The following ABCC9 variants were observed in gnomAD, a reference collection of about 807,000 sequenced individuals.
The protein encoded by ABCC9 is ATP binding cassette subfamily C member 9, also known as ATP-binding cassette sub-family C member 9.
Under a neutral mutation model 188.3 loss-of-function variants are expected in ABCC9, and 95 were observed. The observed-to-expected ratio is 0.50, with a 90% CI of 0.43 to 0.60. ABCC9 has a LOEUF of 0.60. ABCC9 is among the 20% of genes least tolerant of loss of function. The pLI, the probability that ABCC9 is intolerant of heterozygous loss-of-function variation, is 0.00. For synonymous variants in ABCC9, 659 were observed against 652.7 expected, an observed-to-expected ratio of 1.01 and a Z score of -0.15; for missense variants, 1,102 against 1,876.3, an observed-to-expected ratio of 0.59 and a Z score of 7.62.
chr12:21,919,259 A>C (rs1050679177), intron 5 of ABCC9, among the ~76,000 whole-genome samples: 1 of 152,076 alleles, frequency 6.6e-6, no homozygotes, highest in African/African-American at 2.4e-5. Flanking sequence ...TTCTTTGAAA[A>C]GACTAATAAA....
chr12:21,887,599 A>G (rs1389497901), intron 15 of ABCC9, among the ~76,000 whole-genome samples: 2 of 152,162 alleles, frequency 1.3e-5, no homozygotes, highest in African/African-American at 2.4e-5. Flanking sequence ...TGAATTAAAC[A>G]CGTCTTGTCT....
intron 30 of ABCC9, among the ~76,000 whole-genome samples, chr12:21,831,412 T>C (rs1943754010): frequency 6.6e-6 from 1 of 152,062 alleles, no homozygotes; most frequent in African/African-American, 2.4e-5. Context: ...TGCTAGACAC[T>C]GAGGATATAG....
chr12:21,922,769 G>T lies in ABCC9; in HGVS notation c.406+3173C>A, dbSNP rs1347336428. On this transcript the variant is annotated intron_variant, in intron 5 of 39. Transcript: ENST00000261200. ...TTTTTTTCTTTTTTTTTTTTTTTTG[G>T]AGAAATTGTAAACCTGATTCTAAAC... Among the ~76,000 whole-genome samples the T allele has an allele frequency of 3.4e-4, 39 of 116,360 alleles. No homozygotes were observed. In the East Asian group the frequency reaches 8.4e-3, roughly 25 times the overall value. The allele number at this position is 116,360 out of a possible 152,430, so 76.3% of individuals were successfully genotyped here.
chr12:21,817,073 G>A lies in ABCC9; in HGVS notation c.3892+114C>T, dbSNP rs762176790. ...TCAAGCAAAGCCAAGATATGAGAGA[G>A]TTTTCTGGATACTGAAGTGGAAAGC... On this transcript the variant is annotated intron_variant, in intron 33 of 39. Transcript: ENST00000261200. The A allele has an allele frequency of 1.3e-4, 160 of 1,205,840 alleles. 1 individual carries two copies. The highest frequency in any genetic ancestry group is 1.8e-4 in the Non-Finnish European group (154 of 832,484). 74.7% of individuals were successfully genotyped at this position (1,205,840 alleles called of 1,614,324 possible). A position where few individuals can be genotyped will look rare whatever the true frequency, so the allele number is the denominator to read the frequency against.
chr12:21,843,669 A>T (rs1944498654), intron 28 of ABCC9, among the ~76,000 whole-genome samples: 1 of 152,198 alleles, frequency 6.6e-6, no homozygotes, highest in Admixed American at 6.5e-5. Context: ...GAATTCTCTA[A>T]GTGACAATCA....
At chr12:21,818,546 G>T (rs1942824236) in intron 31 of ABCC9, among the ~76,000 whole-genome samples, 1 of 147,638 alleles carries the variant, frequency 6.8e-6, no homozygotes, top group Non-Finnish European at 1.5e-5. Context: ...GTGTGTGTGT[G>T]TGTGTGTGTG....
intron 22 of ABCC9, among the ~76,000 whole-genome samples, chr12:21,857,892 A>G (rs1307398655): frequency 6.6e-6 from 1 of 152,202 alleles, no homozygotes; most frequent in Non-Finnish European, 1.5e-5. Context: ...TGCATTGATT[A>G]AGTCACCAAT....
intron 21 of ABCC9, among the ~76,000 whole-genome samples, chr12:21,860,187 C>G (rs1592091137): frequency 6.6e-6 from 1 of 152,050 alleles, no homozygotes; most frequent in Admixed American, 6.6e-5. Context: ...CATAGCAATT[C>G]CAAGATGTAG....
chr12:21,929,839 AT>A (rs538894504), intron 4 of ABCC9, among the ~76,000 whole-genome samples: 7 of 152,040 alleles, frequency 4.6e-5, no homozygotes, highest in East Asian at 1.9e-4. Flanking sequence ...ATATATACAT[AT>A]TTTTTTATTA....
chr12:21,917,831 T>C (rs1211368470), intron 5 of ABCC9, among the ~76,000 whole-genome samples: 1 of 152,162 alleles, frequency 6.6e-6, no homozygotes, highest in East Asian at 1.9e-4. Context: ...CTTTGAACTT[T>C]GAATAAATGT....
intron 4 of ABCC9, among the ~76,000 whole-genome samples, chr12:21,928,305 A>AGGGG (rs1949123108): frequency 1.3e-4 from 2 of 15,652 alleles, no homozygotes; most frequent in Admixed American, 9.6e-4. Flanking sequence ...GAAGGAAGGG[A>AGGGG]GGGTGGGAGG....
chr12:21,933,731 A>G, intron 4 of ABCC9, 51 bp downstream of exon 4: 1 of 1,603,632 alleles, frequency 6.2e-7, no homozygotes, highest in Non-Finnish European at 8.5e-7. Flanking sequence ...TTGTGTAATC[A>G]ATATACCCAC....
chr12:21,888,949 G>T (rs1167880034), intron 14 of ABCC9, among the ~76,000 whole-genome samples: 4 of 152,112 alleles, frequency 2.6e-5, no homozygotes, highest in Non-Finnish European at 5.9e-5. Flanking sequence ...AGCAACTACA[G>T]GGGAGGTATT....
chr12:21,867,383 T>C (rs1945833933), intron 18 of ABCC9, among the ~76,000 whole-genome samples: 1 of 152,162 alleles, frequency 6.6e-6, no homozygotes, highest in South Asian at 2.1e-4. Flanking sequence ...AAAGAGGTCA[T>C]ATAGAAAATC....
At chr12:21,860,528 A>G (rs375460083) in intron 21 of ABCC9, among the ~76,000 whole-genome samples, 17 of 152,310 alleles carry the variant, frequency 1.1e-4, no homozygotes, top group East Asian at 5.8e-4. Context: ...AGGTATAACT[A>G]TTTTTCAGCT....
intron 17 of ABCC9, among the ~76,000 whole-genome samples, chr12:21,874,742 G>A (rs535952975): frequency 1.7e-4 from 26 of 152,240 alleles, no homozygotes; most frequent in African/African-American, 6.3e-4. Flanking sequence ...CATCACAGAA[G>A]GACACCACAG....
intron 31 of ABCC9, 134 bp from the exon 32 acceptor site, chr12:21,818,385 T>G (rs1364509904): frequency 1.4e-6 from 1 of 730,380 alleles, no homozygotes; most frequent in East Asian, 2.6e-5. Context: ...AGAGGAAGAA[T>G]ACCTAAGATG....
intron 15 of ABCC9, among the ~76,000 whole-genome samples, chr12:21,884,782 T>TAACGAG (rs3062611): frequency 6.6e-6 from 1 of 152,042 alleles, no homozygotes; most frequent in African/African-American, 2.4e-5. Context: ...TATTTTGACT[T>TAACGAG]AGAGAGGAGG....
intron 29 of ABCC9, among the ~76,000 whole-genome samples, chr12:21,841,254 T>A (rs968913528): frequency 2.6e-5 from 4 of 151,910 alleles, no homozygotes; most frequent in Non-Finnish European, 5.9e-5. Context: ...AACATCTCAG[T>A]AAATGACAAA....
Sources: allele counts gnomAD v4.1 joint callset (sites outside exome capture counted in the v4.1 genomes callset), GRCh38; gene constraint gnomAD v4.1.1; transcripts MANE v1.5; gene names NCBI Gene and HGNC (gene_info 2026-07-23, HGNC 2026-07-21).